The following STAM variants were observed in gnomAD, a reference collection of about 807,000 sequenced individuals.
STAM encodes the protein signal transducing adapter molecule 1.
Under a neutral mutation model 63.4 loss-of-function variants are expected in STAM, and 16 were observed. That is an observed-to-expected ratio of 0.25 (90% CI 0.17 to 0.38). The LOEUF (loss-of-function observed/expected upper bound fraction) is 0.38. Among genes scored for constraint, STAM ranks in the 10% least tolerant of loss-of-function variants. STAM has a pLI of 1.00. For missense variants in STAM, 636 were observed against 657.1 expected (o/e 0.97, Z 0.35); for synonymous variants, 238 against 223.9 (o/e 1.06, Z -0.56).
chr10:17,693,277 T>A lies in STAM; in HGVS notation c.500T>A (p.Val167Glu). 6.2e-7 allele frequency: 1 copy of A among 1,612,986 alleles called. No individual in the cohort carries two copies. The highest frequency in any genetic ancestry group is 8.5e-7 in the Non-Finnish European group (1 of 1,179,724). The part of the protein sequence containing the change: ...PALVAKDPGT[V>E]ANKKEEEDLA... ...CTTGTAGCCAAGGATCCTGGTACTG[T>A]GGCTAACAAAAAAGAAGAAGAAGAT... The change falls in exon 6 of 14, where the codon GTG (valine) becomes GAG (glutamate). Residue 167 changes from valine to glutamate, a missense_variant. Coordinates refer to ENST00000377524, the MANE Select transcript of STAM (RefSeq NM_003473.4).
At chr10:17,678,116 G>GTCAC (rs1419249204) in intron 2 of STAM, among the ~76,000 whole-genome samples, 1 of 152,150 alleles carries the variant, frequency 6.6e-6, no homozygotes, top group African/African-American at 2.4e-5. Flanking sequence ...CTCATTAGCA[G>GTCAC]TCACTCCCAT....
chr10:17,658,086 A>G (rs944858883), intron 1 of STAM, among the ~76,000 whole-genome samples: 1 of 151,996 alleles, frequency 6.6e-6, no homozygotes, highest in Admixed American at 6.6e-5. Flanking sequence ...CTTTTTAAAA[A>G]TATGTATTCA....
Position 17,708,839 on chromosome 10 carries a change from C to G in STAM, c.1273C>G (p.Leu425Val). Residue 425 changes from leucine to valine, a missense_variant, in exon 13 of 14, where the codon CTC (leucine) becomes GTC (valine). By Grantham distance (32) the Leu-to-Val change is conservative. Around this residue, in one of 3 missense-constraint regions of STAM, gnomAD observed 532 missense variants for 536.9 expected, o/e 0.99. Coordinates refer to ENST00000377524, the MANE Select transcript of STAM (RefSeq NM_003473.4). The stretch of plus-strand genomic sequence containing the variant: ...TGCAGGGAACGCGCAGATGAGCCAC[C>G]TCCAGAGCTACAGTCTTCCCCCGGA... Reference protein sequence around the residue: ...LVAGNAQMSHLQSYSLPPEQL... With the variant: ...LVAGNAQMSHVQSYSLPPEQL... The G allele has an allele frequency of 1.2e-6, 2 of 1,614,162 alleles. No homozygotes were observed. The highest frequency in any genetic ancestry group is 1.7e-6 in the Non-Finnish European group (2 of 1,180,016).
At chr10:17,682,544 T>C (rs377172455) in intron 2 of STAM, among the ~76,000 whole-genome samples, 15 of 152,336 alleles carry the variant, frequency 9.8e-5, no homozygotes, top group African/African-American at 3.4e-4. Context: ...TTCCAAATAT[T>C]TGGGTATTTT....
At chr10:17,705,557 C>T (rs996783337) in intron 11 of STAM, 31 bp from the exon 12 acceptor site, 5 of 1,596,672 alleles carry the variant, frequency 3.1e-6, no homozygotes, top group Non-Finnish European at 4.3e-6. Context: ...TTAGTAACAG[C>T]TATGCTTCAA....
At chr10:17,678,563 G>A (rs1266789161) in intron 2 of STAM, among the ~76,000 whole-genome samples, 16 of 152,114 alleles carry the variant, frequency 1.1e-4, no homozygotes, top group Non-Finnish European at 2.9e-5. Flanking sequence ...CTCATGTAGT[G>A]TAATTCTTCT....
chr10:17,690,343 T>C (rs1322611269), intron 5 of STAM, among the ~76,000 whole-genome samples: 3 of 152,236 alleles, frequency 2.0e-5, no homozygotes, highest in Admixed American at 6.5e-5. Flanking sequence ...GTTCAAGAAA[T>C]TCAGGACATA....
intron 10 of STAM, 61 bp downstream of exon 10, chr10:17,704,579 T>A (rs1836169764): frequency 3.0e-6 from 4 of 1,328,020 alleles, no homozygotes; most frequent in Non-Finnish European, 3.2e-6. Context: ...ACTGGTGTCC[T>A]GTTAAAGAAT....
intron 4 of STAM, among the ~76,000 whole-genome samples, chr10:17,685,609 A>AAC (rs1437147267): frequency 6.6e-6 from 1 of 152,314 alleles, no homozygotes; most frequent in East Asian, 1.9e-4. Flanking sequence ...TGTGTTTAGC[A>AAC]ACATACTTGA....
At chr10:17,702,726 C>G (rs2131677074) in intron 9 of STAM, among the ~76,000 whole-genome samples, 2 of 152,196 alleles carry the variant, frequency 1.3e-5, no homozygotes, top group Middle Eastern at 6.8e-3. Flanking sequence ...TAAGAAAATG[C>G]TGGCCAGGCG....
rs782173104 is a variant in STAM, at chr10:17,714,672, G to A, written c.1515G>A (p.Met505Ile). 6.2e-6 allele frequency: 10 copies of A among 1,614,052 alleles called. No individual in the cohort carries two copies. The highest frequency in any genetic ancestry group is 8.5e-6 in the Non-Finnish European group (10 of 1,180,022). Reference protein sequence around the residue: ...VTLYQNAGPNMPQVPNYNLTS... With the variant: ...VTLYQNAGPNIPQVPNYNLTS... ...TGTACCAGAATGCAGGACCTAATATGCCCCAGGTGCCAAACTATAACTTAA... is the reference window on the plus strand; with the variant it reads ...TGTACCAGAATGCAGGACCTAATATACCCCAGGTGCCAAACTATAACTTAA... The change falls in exon 14 of 14, where the codon ATG becomes ATA. Residue 505 changes from methionine (M) to isoleucine (I), a missense_variant. Around this residue, in one of 3 missense-constraint regions of STAM, gnomAD observed 532 missense variants for 536.9 expected, o/e 0.99. Coordinates refer to ENST00000377524, the MANE Select transcript of STAM (RefSeq NM_003473.4).
intron 4 of STAM, among the ~76,000 whole-genome samples, chr10:17,686,132 A>AT (rs1835283419): frequency 6.6e-6 from 1 of 152,090 alleles, no homozygotes; most frequent in Non-Finnish European, 1.5e-5. Context: ...GTTAATATTT[A>AT]TTTTCTACTA....
chr10:17,716,708 T>C lies in STAM; in HGVS notation c.*1928T>C, dbSNP rs1324430876. 6.6e-6 allele frequency among the ~76,000 whole-genome samples: 1 copy of C among 152,216 alleles called. No homozygotes were observed. The highest frequency in any genetic ancestry group is 1.5e-5 in the Non-Finnish European group (1 of 68,036). On this transcript the variant is annotated 3_prime_UTR_variant, in exon 14 of 14. Transcript: ENST00000377524. ...ATAGTCTCTACTATGATTTTTGCCC[T>C]ATAAAAGTCAAGTAACAGTGAATAG...
intron 1 of STAM, among the ~76,000 whole-genome samples, chr10:17,657,809 T>C (rs1226405645): frequency 6.6e-6 from 1 of 152,128 alleles, no homozygotes; most frequent in Non-Finnish European, 1.5e-5. Flanking sequence ...GTGATGTCCC[T>C]TCTTTCATTT....
chr10:17,679,220 A>G lies in STAM; in HGVS notation c.126-5455A>G, dbSNP rs192659780. ...TTCTAATTTCACTACATCCCCTCCA[A>G]TATTTGGTATCTTTCCTTTCTTAAA... On this transcript the variant is annotated intron_variant, in intron 2 of 13. Transcript: ENST00000377524. Among the ~76,000 whole-genome samples the G allele has an allele frequency of 7.7e-4, 117 of 152,118 alleles. 1 individual carries two copies. Among genetic ancestry groups the G allele is most frequent in the Middle Eastern group, 3.4e-3 (1 of 294 alleles).
chr10:17,691,337 T>C (rs144979548), intron 5 of STAM, among the ~76,000 whole-genome samples: 5,752 of 152,054 alleles, frequency 0.038, 158 homozygotes, highest in Admixed American at 0.068. Context: ...GCTAACATGG[T>C]GAAAACCTGT....
At chr10:17,687,880 A>G in intron 4 of STAM, 147 bp from the exon 5 acceptor site, 2 of 549,728 alleles carry the variant, frequency 3.6e-6, no homozygotes, top group Admixed American at 4.1e-5. Context: ...CATTAGTTTT[A>G]TTTCGAATAA....
chr10:17,704,517 A>C lies in STAM; in HGVS notation c.999A>C (p.Glu333Asp). 1 of 1,613,722 alleles carries C rather than the reference A, an allele frequency of 6.2e-7. No homozygotes were observed. The highest frequency in any genetic ancestry group is 2.2e-5 in the East Asian group (1 of 44,864). Reference protein sequence around the residue: ...QPDLPELLHLEAMCHQMGPLI... With the variant: ...QPDLPELLHLDAMCHQMGPLI... ...ACCTACCAGAGCTGCTTCATCTTGA[A>C]GGTAAAACTTTTCTATTTACCTTGC... Residue 333 changes from glutamate to aspartate, a missense_variant and splice_region_variant, in exon 10 of 14, where the codon GAA (glutamate) becomes GAC (aspartate). This residue lies in a region of STAM where 532 missense variants were observed against 536.9 expected (regional missense o/e 0.99). Transcript: ENST00000377524.
chr10:17,659,396 G>GAAAAAT (rs566791681), intron 1 of STAM, among the ~76,000 whole-genome samples: 3 of 142,660 alleles, frequency 2.1e-5, no homozygotes, highest in African/African-American at 5.2e-5. Flanking sequence ...AGAGTAAGAA[G>GAAAAAT]AAAAATAAAA....
Sources: allele counts gnomAD v4.1 joint callset (sites outside exome capture counted in the v4.1 genomes callset), GRCh38; gene constraint gnomAD v4.1.1; regional missense constraint gnomAD v4.1.1; transcripts MANE v1.5; gene names NCBI Gene and HGNC (gene_info 2026-07-23, HGNC 2026-07-21).